The following SRRM4 variants were observed in gnomAD, a reference collection of about 807,000 sequenced individuals.
The protein encoded by SRRM4 is serine/arginine repetitive matrix 4, also known as serine/arginine repetitive matrix protein 4.
SRRM4 carries 33 observed loss-of-function variants against 68.9 expected under a neutral mutation model. That is an observed-to-expected ratio of 0.48 (90% CI 0.36 to 0.64). The LOEUF (loss-of-function observed/expected upper bound fraction) is 0.64. SRRM4 is among the 30% of genes least tolerant of loss of function. SRRM4 has a pLI of 0.00. For synonymous variants in SRRM4, 318 were observed against 318.8 expected, an observed-to-expected ratio of 1.00 and a Z score of 0.03; for missense variants, 817 against 827.1, an observed-to-expected ratio of 0.99 and a Z score of 0.15.
At chr12:119,071,934 T>C (rs1191079464) in intron 1 of SRRM4, among the ~76,000 whole-genome samples, 2 of 152,214 alleles carry the variant, frequency 1.3e-5, no homozygotes, top group Non-Finnish European at 2.9e-5. Flanking sequence ...ATGAATTATT[T>C]GATAAGTGAA....
At chr12:119,139,538 T>A (rs562248911) in intron 8 of SRRM4, among the ~76,000 whole-genome samples, 4 of 152,144 alleles carry the variant, frequency 2.6e-5, no homozygotes, top group Non-Finnish European at 4.4e-5. Flanking sequence ...CAATACCAAG[T>A]AGAGTTCAGC....
intron 7 of SRRM4, among the ~76,000 whole-genome samples, chr12:119,130,008 GATGA>G (rs1229266845): frequency 7.7e-6 from 1 of 129,442 alleles, no homozygotes; most frequent in African/African-American, 2.9e-5. Flanking sequence ...TGGATGGATG[GATGA>G]ATGCATAGAT....
rs983653855 is a variant in SRRM4, at chr12:119,161,458, T to G, written c.*4660T>G. Reference sequence around the variant, plus strand: ...ATCTCTCTTCTATCTGTGGTTGCTGTTTTTGGAGTAAAAGTTTCTGTGTGT... The same window carrying G: ...ATCTCTCTTCTATCTGTGGTTGCTGGTTTTGGAGTAAAAGTTTCTGTGTGT... On this transcript the variant is annotated 3_prime_UTR_variant, in exon 13 of 13. Transcript: ENST00000267260. 2.0e-5 allele frequency: 3 copies of G among 152,248 alleles called. No homozygotes were observed. Among genetic ancestry groups the G allele is most frequent in the African/African-American group, 7.2e-5 (3 of 41,464 alleles). 9.4% of individuals were successfully genotyped at this position (152,248 alleles called of 1,614,324 possible).
intron 8 of SRRM4, among the ~76,000 whole-genome samples, chr12:119,131,370 G>A (rs990530079): frequency 1.3e-5 from 2 of 152,140 alleles, no homozygotes; most frequent in Non-Finnish European, 2.9e-5. Context: ...CTCTCATGTA[G>A]CCACACAAGG....
chr12:119,072,308 G>A (rs534308468), intron 1 of SRRM4, among the ~76,000 whole-genome samples: 132 of 152,306 alleles, frequency 8.7e-4, no homozygotes, highest in African/African-American at 3.1e-3. Context: ...TGTGGCAGCT[G>A]TCATAGAACC....
intron 1 of SRRM4, among the ~76,000 whole-genome samples, chr12:119,010,690 T>A (rs1261876510): frequency 1.3e-5 from 2 of 152,336 alleles, no homozygotes; most frequent in South Asian, 2.1e-4. Context: ...GACCAGCTCT[T>A]GATGTCAACA....
rs116860611 is a variant in SRRM4 at position 119,099,685 on chromosome 12, G to A, written c.132-2551G>A. On this transcript the variant is annotated intron_variant, in intron 1 of 12. Transcript: ENST00000267260. The stretch of plus-strand genomic sequence containing the variant: ...TGGTCAGATGTCAACCAGGTTTGCA[G>A]TCTCATCATAAGGCTTGACTGGAGC... Among the ~76,000 whole-genome samples the A allele has an allele frequency of 5.9e-3, 902 of 152,330 alleles. 4 individuals are homozygous for A. Among genetic ancestry groups the A allele is most frequent in the Middle Eastern group, 0.01 (3 of 294 alleles).
chr12:119,097,243 G>C (rs73213706), intron 1 of SRRM4, among the ~76,000 whole-genome samples: 2,579 of 152,364 alleles, frequency 0.017, 30 homozygotes, highest in Non-Finnish European at 0.028. Context: ...AGGTAGGGAA[G>C]GGAGATAGGT....
chr12:119,119,175 C>T (rs1165859674), intron 4 of SRRM4, among the ~76,000 whole-genome samples: 1 of 151,440 alleles, frequency 6.6e-6, no homozygotes, highest in Non-Finnish European at 1.5e-5. Context: ...GTGCAGCAAA[C>T]CACCATGGCA....
intron 2 of SRRM4, among the ~76,000 whole-genome samples, chr12:119,108,792 T>A (rs1275996698): frequency 6.6e-6 from 1 of 152,228 alleles, no homozygotes; most frequent in Non-Finnish European, 1.5e-5. Context: ...AGTCTGTGTC[T>A]TTTAATTGGA....
intron 1 of SRRM4, among the ~76,000 whole-genome samples, chr12:119,048,179 G>A (rs1409767709): frequency 3.9e-5 from 6 of 152,118 alleles, no homozygotes; most frequent in Admixed American, 3.9e-4. Context: ...TTTTACAGTG[G>A]GGACACTGGA....
intron 9 of SRRM4, among the ~76,000 whole-genome samples, chr12:119,149,073 G>C (rs1410893202): frequency 1.3e-5 from 2 of 152,184 alleles, no homozygotes; most frequent in African/African-American, 4.8e-5. Context: ...TTGGCAGCTG[G>C]GCGCAGTGGC....
At chr12:119,030,222 G>A (rs1953579612) in intron 1 of SRRM4, among the ~76,000 whole-genome samples, 1 of 152,210 alleles carries the variant, frequency 6.6e-6, no homozygotes, top group Admixed American at 6.5e-5. Context: ...GGGATTTGGA[G>A]AGAGCAACTC....
intron 1 of SRRM4, among the ~76,000 whole-genome samples, chr12:119,056,715 A>T (rs1565898906): frequency 1.4e-5 from 2 of 147,688 alleles, no homozygotes; most frequent in Admixed American, 1.4e-4. Flanking sequence ...ATGCATGGCT[A>T]TTTTTTTTTT....
chr12:119,151,712 C>T (rs1004501299), intron 10 of SRRM4, among the ~76,000 whole-genome samples: 4 of 152,064 alleles, frequency 2.6e-5, no homozygotes, highest in Admixed American at 1.3e-4. Context: ...TGGCTGGGGG[C>T]TGGAGAGTTT....
At chr12:119,122,288 A>AAGGC (rs1373481555) in intron 6 of SRRM4, among the ~76,000 whole-genome samples, 168 bp downstream of exon 6, 1 of 105,238 alleles carries the variant, frequency 9.5e-6, no homozygotes, top group Non-Finnish European at 2.1e-5. Flanking sequence ...GGAAGGCAGG[A>AAGGC]AGGCAGGAAG....
chr12:119,114,188 G>A, intron 2 of SRRM4, 90 bp from the exon 3 acceptor site: 1 of 1,096,920 alleles, frequency 9.1e-7, no homozygotes, highest in Non-Finnish European at 1.4e-6. Flanking sequence ...GATCATCCAA[G>A]GACCTGGGTC....
intron 1 of SRRM4, among the ~76,000 whole-genome samples, chr12:119,042,751 G>T (rs1343132811): frequency 6.6e-6 from 1 of 151,974 alleles, no homozygotes; most frequent in African/African-American, 2.4e-5. Context: ...AGAAGAGAAA[G>T]AAATGAGGAG....
Position 119,121,703 on chromosome 12 carries a change from T to C in SRRM4, c.465-367T>C, listed in dbSNP as rs559788902. ...ACTTGTTAAATTGTGCCTCCACCCA[T>C]AGGTTGTGGAGAGAATAAAATGAAG... is the stretch of plus-strand genomic sequence containing the variant. On this transcript the variant is annotated intron_variant, in intron 5 of 12. Coordinates refer to ENST00000267260, the MANE Select transcript of SRRM4 (RefSeq NM_194286.4). 3.3e-5 allele frequency among the ~76,000 whole-genome samples: 5 copies of C among 152,274 alleles called. No individual in the cohort carries two copies. In the South Asian group the frequency reaches 6.2e-4, roughly 19 times the overall value.
Sources: gnomAD v4.1 joint callset for allele counts (sites outside exome capture counted in the v4.1 genomes callset) on GRCh38, gnomAD v4.1.1 for gene constraint, MANE v1.5 for transcripts, NCBI Gene and HGNC (gene_info 2026-07-23, HGNC 2026-07-21) for gene names.